SCLT1: variants seen among roughly 807,000 people sequenced by gnomAD.
The protein encoded by SCLT1 is sodium channel-associated protein 1.
Under a neutral mutation model 112.8 loss-of-function variants are expected in SCLT1, and 78 were observed. The observed-to-expected ratio is 0.69, with a 90% CI of 0.58 to 0.83. The LOEUF (loss-of-function observed/expected upper bound fraction) is 0.83, where lower values mean the gene tolerates loss of function less well. SCLT1 is among the 40% of genes least tolerant of loss of function. SCLT1 has a pLI of 0.00. For synonymous variants in SCLT1, 257 were observed against 254.7 expected, an observed-to-expected ratio of 1.01 and a Z score of -0.09; for missense variants, 747 against 770.4, an observed-to-expected ratio of 0.97 and a Z score of 0.36.
chr4:129,019,854 C>G (rs1043368082), intron 5 of SCLT1, among the ~76,000 whole-genome samples: 4 of 151,288 alleles, frequency 2.6e-5, no homozygotes, highest in Non-Finnish European at 4.4e-5. Context: ...TTTTTATGCT[C>G]CTCCAATTAA....
chr4:128,950,251 C>T (rs923957001), intron 14 of SCLT1, among the ~76,000 whole-genome samples: 2 of 152,074 alleles, frequency 1.3e-5, no homozygotes, highest in Admixed American at 6.5e-5. Flanking sequence ...GTCTGGCTCA[C>T]ACTTCTGGGG....
At chr4:128,999,209 A>G (rs1196556120) in intron 7 of SCLT1, among the ~76,000 whole-genome samples, 2 of 152,000 alleles carry the variant, frequency 1.3e-5, no homozygotes, top group Non-Finnish European at 2.9e-5. Flanking sequence ...TTAATTTATG[A>G]TAGACAAAAT....
chr4:128,879,882 A>G (rs1486187422), downstream of SCLT1, among the ~76,000 whole-genome samples: 1 of 152,212 alleles, frequency 6.6e-6, no homozygotes, highest in African/African-American at 2.4e-5. Context: ...CTTATATTTT[A>G]TATTATGCTC....
Position 129,059,962 on chromosome 4 carries a change from C to T in SCLT1, c.103-15911G>A, listed in dbSNP as rs72926020. 4.7e-3 allele frequency among the ~76,000 whole-genome samples: 716 copies of T among 152,236 alleles called. 3 individuals carry two copies. The highest frequency in any genetic ancestry group is 0.016 in the African/African-American group (656 of 41,538). ...TTCTATGCTTTTCCCTTCTCTTCTC[C>T]TTCTGGAAAGCCCATAATATGAATA... is the stretch of plus-strand genomic sequence containing the variant. On this transcript the variant is annotated intron_variant, in intron 2 of 20. Coordinates refer to ENST00000281142, the MANE Select transcript of SCLT1 (RefSeq NM_144643.4).
At position 129,033,933 on chromosome 4, in the gene SCLT1, A is replaced by AGTTAAATAT. The variant is rs1746965589; in HGVS notation, c.290+5107_290+5108insATATTTAAC. ...ATTAAAAATAGATATTTAAAACTTC[A>AGTTAAATAT]TAGTTAAAGCTTAGGCAGATAGGAT... On this transcript the variant is annotated intron_variant, in intron 5 of 20. Coordinates refer to ENST00000281142, the MANE Select transcript of SCLT1 (RefSeq NM_144643.4). 2.0e-5 allele frequency among the ~76,000 whole-genome samples: 3 copies of AGTTAAATAT among 152,206 alleles called. No homozygotes were observed. The South Asian group carries it at 6.2e-4, about 31-fold the overall frequency.
chr4:129,070,532 T>C (rs567882048), intron 2 of SCLT1, among the ~76,000 whole-genome samples: 1 of 152,314 alleles, frequency 6.6e-6, no homozygotes, highest in South Asian at 2.1e-4. Flanking sequence ...CTAGGTTTTC[T>C]AGTTTATGTG....
chr4:129,023,895 C>A (rs193127150), intron 5 of SCLT1, among the ~76,000 whole-genome samples: 227 of 152,350 alleles, frequency 1.5e-3, no homozygotes, highest in Admixed American at 2.4e-3. Flanking sequence ...TATCCCGCAC[C>A]TGGCTTGGAG....
At chr4:129,022,074 A>T (rs889704254) in intron 5 of SCLT1, among the ~76,000 whole-genome samples, 1 of 152,204 alleles carries the variant, frequency 6.6e-6, no homozygotes, top group African/African-American at 2.4e-5. Context: ...TTAGAAGAAA[A>T]ACTAACAAAC....
intron 2 of SCLT1, among the ~76,000 whole-genome samples, chr4:129,065,303 T>G (rs1478533084): frequency 6.6e-6 from 1 of 151,022 alleles, no homozygotes; most frequent in African/African-American, 2.4e-5. Context: ...ACTTTTTCTA[T>G]CCTTTTCATT....
chr4:129,025,136 T>G (rs1745919536), intron 5 of SCLT1, among the ~76,000 whole-genome samples: 1 of 152,178 alleles, frequency 6.6e-6, no homozygotes, highest in Non-Finnish European at 1.5e-5. Flanking sequence ...CAGGATATTA[T>G]TCAGGAGAAC....
chr4:129,083,224 GA>G (rs1374354058), intron 1 of SCLT1, among the ~76,000 whole-genome samples: 1 of 129,788 alleles, frequency 7.7e-6, no homozygotes, highest in Non-Finnish European at 1.7e-5. Flanking sequence ...AAAAGAAAAA[GA>G]AAAAAAAGAA....
chr4:128,874,930 TGTC>T (rs1378017561), intron 4 of SCLT1: 1 of 152,638 alleles, frequency 6.6e-6, no homozygotes, highest in Admixed American at 6.5e-5. Context: ...TGGACAAACT[TGTC>T]ATTACATTTG....
intron 15 of SCLT1, among the ~76,000 whole-genome samples, chr4:128,946,820 T>A (rs1380190730): frequency 6.6e-6 from 1 of 152,180 alleles, no homozygotes; most frequent in Non-Finnish European, 1.5e-5. Context: ...ACCTGGACAA[T>A]GATCTAGCTA....
chr4:128,882,703 A>T (rs932643752), downstream of SCLT1, among the ~76,000 whole-genome samples: 1 of 152,172 alleles, frequency 6.6e-6, no homozygotes, highest in Admixed American at 6.5e-5. Flanking sequence ...TCCAAAAAGA[A>T]AGAGTTAACT....
chr4:128,997,663 G>C (rs926489032), intron 8 of SCLT1, among the ~76,000 whole-genome samples: 10 of 151,828 alleles, frequency 6.6e-5, no homozygotes, highest in African/African-American at 1.9e-4. Flanking sequence ...ATCCTAAGAG[G>C]ATTTCCAGAT....
At chr4:129,082,827 C>T (rs1396235797) in intron 1 of SCLT1, among the ~76,000 whole-genome samples, 2 of 152,012 alleles carry the variant, frequency 1.3e-5, no homozygotes, top group Admixed American at 6.6e-5. Flanking sequence ...GCTGAAGAAT[C>T]CAAATTAAAC....
chr4:129,003,310 G>A (rs1207699461), intron 6 of SCLT1, among the ~76,000 whole-genome samples: 11 of 151,848 alleles, frequency 7.2e-5, no homozygotes, highest in Non-Finnish European at 1.6e-4. Context: ...GGGAGGGATA[G>A]CATTAGGAGA....
chr4:128,901,156 C>T lies in SCLT1; in HGVS notation c.1830-10019G>A, dbSNP rs1163939046. Among the ~76,000 whole-genome samples, 3 of 152,312 alleles carry T rather than the reference C, an allele frequency of 2.0e-5. No homozygotes were observed. In the South Asian group the frequency reaches 6.2e-4, roughly 32 times the overall value. Reference sequence around the variant, plus strand: ...GAACTGGAAATACCATTTGACCCAGCCATCCCATTACTGGGTATATACCCA... The same window carrying T: ...GAACTGGAAATACCATTTGACCCAGTCATCCCATTACTGGGTATATACCCA... On this transcript the variant is annotated intron_variant, in intron 18 of 20. Coordinates refer to ENST00000281142, the MANE Select transcript of SCLT1 (RefSeq NM_144643.4).
intron 18 of SCLT1, among the ~76,000 whole-genome samples, chr4:128,907,472 C>T (rs1734777565): frequency 6.6e-6 from 1 of 152,108 alleles, no homozygotes; most frequent in Middle Eastern, 3.4e-3. Flanking sequence ...CAAGATGATA[C>T]CCAGAGTTTT....
Sources: gnomAD v4.1 joint callset for allele counts (sites outside exome capture counted in the v4.1 genomes callset) on GRCh38, gnomAD v4.1.1 for gene constraint, MANE v1.5 for transcripts, NCBI Gene and HGNC (gene_info 2026-07-23, HGNC 2026-07-21) for gene names.